Variants in COL9A3 observed in about 807,000 individuals in gnomAD.
COL9A3 encodes the protein collagen type IX alpha 3 chain.
COL9A3 carries 82 observed loss-of-function variants against 110.2 expected under a neutral mutation model. The observed-to-expected ratio is 0.74, with a 90% CI of 0.62 to 0.89. The LOEUF (loss-of-function observed/expected upper bound fraction) is 0.89, where lower values mean the gene tolerates loss of function less well. COL9A3 is among the 40% of genes least tolerant of loss of function. COL9A3 has a pLI of 0.00. For missense variants in COL9A3, 1,066 were observed against 981.3 expected, an observed-to-expected ratio of 1.09 and a Z score of -1.15; for synonymous variants, 494 against 403.8, an observed-to-expected ratio of 1.22 and a Z score of -2.68.
At chr20:62,830,240 G>A in intron 22 of COL9A3, 120 bp from the exon 23 acceptor site, 1 of 1,199,070 alleles carries the variant, frequency 8.3e-7, no homozygotes, top group East Asian at 2.5e-5. Flanking sequence ...CAGCCAGGTG[G>A]CTTAGAACCG....
chr20:62,818,919 T>C (rs1482636728), intron 3 of COL9A3, among the ~76,000 whole-genome samples: 2 of 152,162 alleles, frequency 1.3e-5, no homozygotes, highest in Non-Finnish European at 2.9e-5. Flanking sequence ...CTGGGCCCAC[T>C]GGGGGTCCGA....
chr20:62,822,509 G>T, intron 9 of COL9A3, 82 bp from the exon 10 acceptor site: 1 of 1,353,490 alleles, frequency 7.4e-7, no homozygotes, highest in South Asian at 1.2e-5. Flanking sequence ...GTTGTGGTCC[G>T]TCAGAGAGTG....
At chr20:62,831,940 C>G (rs2063600363) in intron 24 of COL9A3, 1 of 631,096 alleles carries the variant, frequency 1.6e-6, no homozygotes, top group African/African-American at 1.8e-5. Flanking sequence ...GACTTCACTA[C>G]CCACAAGGGG....
chr20:62,828,751 C>T lies in COL9A3; in HGVS notation c.901-13C>T. The T allele has an allele frequency of 1.2e-6, 2 of 1,612,640 alleles. No individual in the cohort carries two copies. The highest frequency in any genetic ancestry group is 1.7e-6 in the Non-Finnish European group (2 of 1,179,804). Reference sequence around the variant, plus strand: ...CCACTGCCCGACGGGCCTTACTCATCCCTTGTCCCCAGGGCATGCCGGGCA... The same window carrying T: ...CCACTGCCCGACGGGCCTTACTCATTCCTTGTCCCCAGGGCATGCCGGGCA... On this transcript the variant is annotated splice_polypyrimidine_tract_variant and intron_variant, in intron 17 of 31. Coordinates refer to ENST00000649368, the MANE Select transcript of COL9A3 (RefSeq NM_001853.4).
Position 62,830,661 on chromosome 20 carries a change from A to ACCC in COL9A3, c.1287+74_1287+75insCCC, listed in dbSNP as rs1248701361. The stretch of plus-strand genomic sequence containing the variant: ...TGTACCACAGTCCCCCACCCCCATG[A>ACCC]CAGTCCCCCAACCCCCACCACAGTC... On this transcript the variant is annotated intron_variant, in intron 24 of 31. Transcript: ENST00000649368. 5.0e-5 allele frequency: 10 copies of ACCC among 199,782 alleles called. 2 individuals are homozygous for ACCC. The East Asian group carries it at 5.8e-4, about 12-fold the overall frequency. The allele number at this position is 199,782 out of a possible 1,614,324, so 12.4% of individuals were successfully genotyped here.
intron 3 of COL9A3, 132 bp downstream of exon 3, chr20:62,818,685 G>C: frequency 2.2e-6 from 2 of 918,026 alleles, no homozygotes; most frequent in Non-Finnish European, 3.5e-6. Context: ...GCCTCAGAGG[G>C]CTTGGAGCAG....
chr20:62,831,014 G>A (rs73918818), intron 24 of COL9A3: 287 of 153,482 alleles, frequency 1.9e-3, no homozygotes, highest in African/African-American at 6.1e-3. Flanking sequence ...GACGCCTGGC[G>A]GGACCTGCAC....
At chr20:62,837,873 T>C (rs1350887723) in intron 30 of COL9A3, among the ~76,000 whole-genome samples, 1 of 151,578 alleles carries the variant, frequency 6.6e-6, no homozygotes, top group Admixed American at 6.6e-5. Flanking sequence ...TCCCAGCACG[T>C]TGGGAGGACG....
At chr20:62,836,939 C>T (rs2147229133) in intron 29 of COL9A3, 144 bp from the exon 30 acceptor site, 2 of 1,113,788 alleles carry the variant, frequency 1.8e-6, no homozygotes, top group Non-Finnish European at 2.7e-6. Context: ...ATTCATCACC[C>T]CAAAGCAGTT....
At chr20:62,836,657 C>T (rs2147228636) in intron 29 of COL9A3, 125 bp downstream of exon 29, 1 of 1,059,402 alleles carries the variant, frequency 9.4e-7, no homozygotes, top group East Asian at 2.6e-5. Flanking sequence ...AGCACTCACC[C>T]CGCCTGTTAG....
At chr20:62,833,636 C>T (rs977459236) in intron 26 of COL9A3, among the ~76,000 whole-genome samples, 11 of 151,926 alleles carry the variant, frequency 7.2e-5, no homozygotes, top group Non-Finnish European at 1.6e-4. Flanking sequence ...ATCTCCTGAC[C>T]TCGTGATCAT....
intron 26 of COL9A3, among the ~76,000 whole-genome samples, chr20:62,834,181 T>G (rs539255022): frequency 6.6e-6 from 1 of 152,018 alleles, no homozygotes; most frequent in South Asian, 2.1e-4. Context: ...GCCTAATTGT[T>G]GTATTTTTAG....
chr20:62,829,482 G>A lies in COL9A3; in HGVS notation c.1036G>A (p.Gly346Ser), dbSNP rs377666988. Residue 346 changes from glycine (G) to serine (S), a missense_variant, in exon 20 of 32, where the codon GGC becomes AGC. Coordinates refer to ENST00000649368, the MANE Select transcript of COL9A3 (RefSeq NM_001853.4). ...CCTCCCTGGACGAGCGGGGTCCAAA[G>A]GCGAGAAGGGAGAACGGGTATGTGG... is the stretch of plus-strand genomic sequence containing the variant. ...PGLPGRAGSK[G>S]EKGERGRAGE... 38 of 1,612,814 alleles carry A rather than the reference G, an allele frequency of 2.4e-5. No homozygotes were observed. Among genetic ancestry groups the A allele is most frequent in the Non-Finnish European group, 3.1e-5 (37 of 1,179,944 alleles).
rs775332360 is a variant in COL9A3 at position 62,827,261 on chromosome 20, C to A, written c.813C>A (p.Gly271=). ...PGKAGDRGER[G]PEGFRGPKGD... is the part of the protein sequence containing the mutation. ...TCCAGGGTGACCGAGGCGAGAGGGGCCCAGAAGGGTTCCGCGGCCCCAAGG... is the reference window on the plus strand; with the variant it reads ...TCCAGGGTGACCGAGGCGAGAGGGGACCAGAAGGGTTCCGCGGCCCCAAGG... Residue 271 remains glycine, a synonymous_variant, in exon 16 of 32, where the codon GGC becomes GGA. Transcript: ENST00000649368. 6.2e-7 allele frequency: 1 copy of A among 1,613,300 alleles called. No individual in the cohort carries two copies. The highest frequency in any genetic ancestry group is 1.1e-5 in the South Asian group (1 of 91,086).
At chr20:62,826,135 C>G (rs1463441504) in intron 13 of COL9A3, 69 bp from the exon 14 acceptor site, 1 of 1,504,174 alleles carries the variant, frequency 6.6e-7, no homozygotes. Flanking sequence ...CCCCGAGGGC[C>G]TTGGCCCTGG....
In COL9A3 at chr20:62,838,750, A is replaced by G. The variant is rs1467744959; in HGVS notation, c.1853A>G (p.Gln618Arg). Residue 618 changes from glutamine to arginine, a missense_variant, in exon 31 of 32, where the codon CAG becomes CGG. Physicochemically the swap from Gln to Arg is conservative, Grantham distance 43. Transcript: ENST00000649368. ...GAGLDGPEGD[Q>R]GPQGPQGVPG... ...GGGCTGGACGGGCCTGAAGGAGACC[A>G]GGGGCCCCAAGGTACGAGTCCACGG... is the stretch of plus-strand genomic sequence containing the variant. 1.3e-6 allele frequency: 2 copies of G among 1,551,770 alleles called. No homozygotes were observed. Among genetic ancestry groups the G allele is most frequent in the African/African-American group, 1.4e-5 (1 of 73,168 alleles).
intron 22 of COL9A3, among the ~76,000 whole-genome samples, chr20:62,830,076 T>C (rs2063583676): frequency 6.6e-6 from 1 of 152,092 alleles, no homozygotes. Flanking sequence ...ACTGAGATAA[T>C]GACAGCACCA....
chr20:62,816,973 CGGGAAG>C (rs890094518), upstream of COL9A3: 118 of 668,038 alleles, frequency 1.8e-4, no homozygotes, highest in South Asian at 3.7e-4. Context: ...CAGGCGGGGG[CGGGAAG>C]GGGAAGGGGA....
chr20:62,827,436 AG>A, intron 16 of COL9A3, 142 bp downstream of exon 16: 1 of 835,864 alleles, frequency 1.2e-6, no homozygotes, highest in Non-Finnish European at 1.9e-6. Context: ...CGTGGGGGTG[AG>A]CCTGACCCTG....
Sources: gnomAD v4.1 joint callset for allele counts (sites outside exome capture counted in the v4.1 genomes callset) on GRCh38, gnomAD v4.1.1 for gene constraint, MANE v1.5 for transcripts, NCBI Gene and HGNC (gene_info 2026-07-23, HGNC 2026-07-21) for gene names.